Variants in ATP2B2 observed in about 807,000 individuals in gnomAD.
ATP2B2 encodes ATPase plasma membrane Ca2+ transporting 2.
Under a neutral mutation model 120.0 loss-of-function variants are expected in ATP2B2, and 15 were observed. The observed-to-expected ratio is 0.12, with a 90% CI of 0.08 to 0.19. ATP2B2 has a LOEUF of 0.19. Ranked by LOEUF, ATP2B2 falls within the 10% of genes least tolerant of loss-of-function variation. The pLI is 1.00. For missense variants in ATP2B2, 1,045 were observed against 1,719.8 expected (o/e 0.61, Z 6.94); for synonymous variants, 694 against 700.3 (o/e 0.99, Z 0.14).
chr3:10,468,597 C>G (rs1293663577), intron 1 of ATP2B2, among the ~76,000 whole-genome samples: 1 of 152,206 alleles, frequency 6.6e-6, no homozygotes. Flanking sequence ...CTTTGTCTCA[C>G]CTGTAACCCT....
chr3:10,587,282 G>C (rs1249823947), intron 2 of ATP2B2, among the ~76,000 whole-genome samples: 1 of 151,664 alleles, frequency 6.6e-6, no homozygotes. Flanking sequence ...TCCAGCCTGG[G>C]TGACAAAATG....
rs553955145 is a variant in ATP2B2 at position 10,637,557 on chromosome 3, G to C, written c.-459-17596C>G. On this transcript the variant is annotated intron_variant, in intron 1 of 21. Transcript: ENST00000646379. ...TTAGACACTGCAGAAGGAAAGATTA[G>C]TGAACTTGAAGATAGCAATAGAAAC... Among the ~76,000 whole-genome samples the C allele has an allele frequency of 1.1e-4, 17 of 152,324 alleles. 1 individual carries two copies. Among genetic ancestry groups the C allele is most frequent in the African/African-American group, 4.1e-4 (17 of 41,566 alleles).
chr3:10,350,226 G>T, intron 15 of ATP2B2, 27 bp from the exon 16 acceptor site: 4 of 1,494,990 alleles, frequency 2.7e-6, no homozygotes, highest in Non-Finnish European at 3.7e-6. Context: ...AAGGGGGCGG[G>T]TCGGTGGGGT....
chr3:10,556,292 T>G (rs2067777715), intron 2 of ATP2B2, among the ~76,000 whole-genome samples: 1 of 152,208 alleles, frequency 6.6e-6, no homozygotes, highest in South Asian at 2.1e-4. Flanking sequence ...TGCTCTCAAA[T>G]TTTTACTGAG....
At chr3:10,414,332 C>T (rs1227878768) in intron 2 of ATP2B2, among the ~76,000 whole-genome samples, 3 of 152,150 alleles carry the variant, frequency 2.0e-5, no homozygotes, top group African/African-American at 7.2e-5. Context: ...GGGGCTCTGT[C>T]ATGCTGGGAA....
At chr3:10,448,660 C>T (rs1469760952) in intron 2 of ATP2B2, among the ~76,000 whole-genome samples, 1 of 152,208 alleles carries the variant, frequency 6.6e-6, no homozygotes, top group Non-Finnish European at 1.5e-5. Flanking sequence ...CATACAAGGA[C>T]ATCTGTCACC....
intron 5 of ATP2B2, among the ~76,000 whole-genome samples, chr3:10,395,887 A>G (rs1257583478): frequency 1.3e-5 from 2 of 152,126 alleles, no homozygotes; most frequent in African/African-American, 2.4e-5. Flanking sequence ...TGCTCTCCCT[A>G]CCTGGCCCTG....
rs1026773969 is a variant in ATP2B2, at chr3:10,467,980, G to A, written c.-319-18118C>T. 4.6e-5 allele frequency among the ~76,000 whole-genome samples: 7 copies of A among 152,320 alleles called. No homozygotes were observed. In the East Asian group the frequency reaches 1.4e-3, roughly 29 times the overall value. On this transcript the variant is annotated intron_variant, in intron 1 of 22. Coordinates refer to ENST00000360273, the MANE Select transcript of ATP2B2 (RefSeq NM_001001331.4). Reference sequence around the variant, plus strand: ...GGCCAAGGTCACAGAGCCAGGGAATGGCCCGACCAGGATTTGCATTAGGCC... The same window carrying A: ...GGCCAAGGTCACAGAGCCAGGGAATAGCCCGACCAGGATTTGCATTAGGCC...
At chr3:10,348,899 A>G (rs1479529930) in intron 16 of ATP2B2, among the ~76,000 whole-genome samples, 2 of 152,188 alleles carry the variant, frequency 1.3e-5, no homozygotes, top group Non-Finnish European at 2.9e-5. Context: ...GAGTGAATGA[A>G]TAAGAATAAG....
intron 1 of ATP2B2, among the ~76,000 whole-genome samples, chr3:10,638,933 T>G (rs758682930): frequency 6.6e-6 from 1 of 152,222 alleles, no homozygotes; most frequent in Non-Finnish European, 1.5e-5. Flanking sequence ...AAGCATCTAA[T>G]AAGGCAGCTT....
Position 10,439,380 on chromosome 3 carries a change from C to T in ATP2B2, c.199+9965G>A, listed in dbSNP as rs537406663. Among the ~76,000 whole-genome samples, 3 of 152,274 alleles carry T rather than the reference C, an allele frequency of 2.0e-5. No individual in the cohort carries two copies. The South Asian group carries it at 6.2e-4, about 32-fold the overall frequency. Reference sequence around the variant, plus strand: ...TAAGGGCCAAAGTCAGGCTGGTCTCCGCCCCTGCCCAGCATGGGTGGACTG... The same window carrying T: ...TAAGGGCCAAAGTCAGGCTGGTCTCTGCCCCTGCCCAGCATGGGTGGACTG... On this transcript the variant is annotated intron_variant, in intron 2 of 22. Coordinates refer to ENST00000360273, the MANE Select transcript of ATP2B2 (RefSeq NM_001001331.4).
intron 1 of ATP2B2, among the ~76,000 whole-genome samples, chr3:10,682,359 TG>T (rs2125703999): frequency 6.6e-6 from 1 of 152,370 alleles, no homozygotes; most frequent in East Asian, 1.9e-4. Flanking sequence ...CACAGCACTG[TG>T]GTCTCAGATA....
At chr3:10,378,837 TAGAACGTAAA>T (rs2061450756) in intron 9 of ATP2B2, among the ~76,000 whole-genome samples, 1 of 152,128 alleles carries the variant, frequency 6.6e-6, no homozygotes, top group Non-Finnish European at 1.5e-5. Flanking sequence ...AAAGGAGGCT[TAGAACGTAAA>T]AGAGGGCAGC....
intron 2 of ATP2B2, among the ~76,000 whole-genome samples, chr3:10,603,754 C>T (rs940747994): frequency 2.0e-5 from 3 of 152,210 alleles, no homozygotes; most frequent in African/African-American, 4.8e-5. Context: ...CACAGATCTT[C>T]GTTCTGGCAT....
intron 1 of ATP2B2, among the ~76,000 whole-genome samples, chr3:10,475,213 ATCAAGT>A (rs1366260262): frequency 1.3e-5 from 2 of 152,240 alleles, no homozygotes; most frequent in Non-Finnish European, 2.9e-5. Flanking sequence ...AAAAAGAGCA[ATCAAGT>A]TCATCTTTCT....
intron 2 of ATP2B2, among the ~76,000 whole-genome samples, chr3:10,596,625 C>T (rs1398035390): frequency 6.6e-6 from 1 of 152,214 alleles, no homozygotes; most frequent in African/African-American, 2.4e-5. Flanking sequence ...CATATTTCTT[C>T]AAAGAGGAAA....
At chr3:10,372,401 T>C (rs2061269456) in intron 11 of ATP2B2, among the ~76,000 whole-genome samples, 1 of 152,252 alleles carries the variant, frequency 6.6e-6, no homozygotes, top group South Asian at 2.1e-4. Flanking sequence ...ATTTTTCTCT[T>C]ATAGACTAAC....
intron 1 of ATP2B2, among the ~76,000 whole-genome samples, chr3:10,703,317 C>G (rs771288064): frequency 6.6e-6 from 1 of 152,166 alleles, no homozygotes; most frequent in Non-Finnish European, 1.5e-5. Flanking sequence ...GCCCTCTGTA[C>G]CTGAGTGAAG....
At chr3:10,352,160 G>A (rs2060596641) in intron 14 of ATP2B2, among the ~76,000 whole-genome samples, 1 of 152,232 alleles carries the variant, frequency 6.6e-6, no homozygotes, top group Admixed American at 6.5e-5. Flanking sequence ...CACAGCACCT[G>A]CCACTCCTTC....
Sources: allele counts gnomAD v4.1 joint callset (sites outside exome capture counted in the v4.1 genomes callset), GRCh38; gene constraint gnomAD v4.1.1; transcripts MANE v1.5; gene names NCBI Gene and HGNC (gene_info 2026-07-23, HGNC 2026-07-21).